The following DDX17 variants were observed in gnomAD, a reference collection of about 807,000 sequenced individuals.
The protein encoded by DDX17 is DEAD-box helicase 17.
DDX17 carries 10 observed loss-of-function variants against 80.8 expected under a neutral mutation model. That is an observed-to-expected ratio of 0.12 (90% confidence interval 0.08 to 0.21). The LOEUF (loss-of-function observed/expected upper bound fraction) is 0.21. Among genes scored for constraint, DDX17 ranks in the 10% least tolerant of loss-of-function variants. DDX17 has a pLI of 1.00. For missense variants in DDX17, 586 were observed against 957.4 expected (o/e 0.61, Z 5.12); for synonymous variants, 339 against 336.2 (o/e 1.01, Z -0.09).
At chr22:38,490,559 A>T (rs929132145) in intron 11 of DDX17, 1 of 744,324 alleles carries the variant, frequency 1.3e-6, no homozygotes, top group Non-Finnish European at 1.9e-6. Context: ...AAGGATGACT[A>T]TTATAAAATT....
intron 1 of DDX17, 21 bp downstream of exon 1, chr22:38,505,930 C>T: frequency 3.2e-6 from 5 of 1,550,536 alleles, no homozygotes; most frequent in Non-Finnish European, 4.4e-6. Context: ...CCAGGCCTCT[C>T]CTCTCCTCCC....
chr22:38,501,697 C>G lies in DDX17; in HGVS notation c.288-417G>C, dbSNP rs925768900. Among the ~76,000 whole-genome samples, 36 of 152,154 alleles carry G rather than the reference C, an allele frequency of 2.4e-4. 1 individual carries two copies. The highest frequency in any genetic ancestry group is 2.2e-3 in the Admixed American group (34 of 15,280). On this transcript the variant is annotated intron_variant, in intron 1 of 12. Coordinates refer to ENST00000403230, the MANE Select transcript of DDX17 (RefSeq NM_006386.5). ...TTTCAGAGGCTGCTGAGAAAATGACCTAATAATGTGTAATGTACTATAAAA... is the reference window on the plus strand; with the variant it reads ...TTTCAGAGGCTGCTGAGAAAATGACGTAATAATGTGTAATGTACTATAAAA...
chr22:38,492,179 AC>A, intron 10 of DDX17, 64 bp from the exon 11 acceptor site: 1 of 1,379,154 alleles, frequency 7.3e-7, no homozygotes, highest in Non-Finnish European at 1.0e-6. Flanking sequence ...TGTTTACATA[AC>A]CATGTTAAAA....
intron 10 of DDX17, 86 bp from the exon 11 acceptor site, chr22:38,492,201 T>A: frequency 8.7e-7 from 1 of 1,153,446 alleles, no homozygotes; most frequent in South Asian, 1.5e-5. Context: ...TTTCAAATAA[T>A]GGTGCCAGAA....
At chr22:38,491,520 T>C (rs534852819) in intron 11 of DDX17, 1 of 152,328 alleles carries the variant, frequency 6.6e-6, no homozygotes, top group East Asian at 1.9e-4. Flanking sequence ...CCATGATAAT[T>C]TGACCTCAGT....
Position 38,489,870 on chromosome 22 carries a change from G to A in DDX17, c.1448-1755C>T, listed in dbSNP as rs2089695845. On this transcript the variant is annotated intron_variant, in intron 11 of 12. Coordinates refer to ENST00000403230, the MANE Select transcript of DDX17 (RefSeq NM_006386.5). The surrounding 1 kb of genome is among the most constrained non-coding windows in gnomAD (Gnocchi z 4.6). ...CAGGGGGTGGGGAATTCTACTCCATGGTATCTTCAGAGCTAGGATAATGCT... is the reference window on the plus strand; with the variant it reads ...CAGGGGGTGGGGAATTCTACTCCATAGTATCTTCAGAGCTAGGATAATGCT... 2.0e-6 allele frequency: 2 copies of A among 985,800 alleles called. No homozygotes were observed. Among genetic ancestry groups the A allele is most frequent in the African/African-American group, 1.7e-5 (1 of 57,190 alleles). The allele number at this position is 985,800 out of a possible 1,614,324, so 61.1% of individuals were successfully genotyped here.
At position 38,485,857 on chromosome 22, in the gene DDX17, G is replaced by A. The variant is rs779492089; in HGVS notation, c.*78C>T. On this transcript the variant is annotated 3_prime_UTR_variant, in exon 13 of 13. Transcript: ENST00000403230. ...AAAAAAGGAAAAAAAAAGAAAAGGC[G>A]AAGAGGAAAAAAAAAGGAAAGACAG... The A allele has an allele frequency of 2.1e-5, 30 of 1,458,850 alleles. No homozygotes were observed. Among genetic ancestry groups the A allele is most frequent in the Admixed American group, 1.1e-4 (4 of 37,672 alleles). The allele number at this position is 1,458,850 out of a possible 1,614,324, so 90.4% of individuals were successfully genotyped here. A position where few individuals can be genotyped will look rare whatever the true frequency, so the allele number is the denominator to read the frequency against.
chr22:38,498,697 T>C (rs1461970221), intron 3 of DDX17, 124 bp from the exon 4 acceptor site: 5 of 1,040,504 alleles, frequency 4.8e-6, no homozygotes, highest in Non-Finnish European at 6.9e-6. Flanking sequence ...AAAGTGCTTT[T>C]TCTTTATCTA....
chr22:38,490,554 T>C (rs1025514111), intron 11 of DDX17: 3 of 808,450 alleles, frequency 3.7e-6, no homozygotes, highest in Non-Finnish European at 5.2e-6. Context: ...AGCCTAAGGA[T>C]GACTATTATA....
intron 11 of DDX17, 168 bp downstream of exon 11, chr22:38,491,888 G>C (rs954542311): frequency 2.2e-6 from 1 of 455,968 alleles, no homozygotes; most frequent in Non-Finnish European, 3.8e-6. Flanking sequence ...AAAAAATTGT[G>C]GGGGGGGCAG....
chr22:38,498,653 A>T (rs1886044765), intron 3 of DDX17, 80 bp from the exon 4 acceptor site: 5 of 1,480,556 alleles, frequency 3.4e-6, no homozygotes, highest in Non-Finnish European at 4.6e-6. Context: ...TTTTAAGCTC[A>T]CTGAAGATAA....
At chr22:38,501,377 C>T (rs2089829308) in intron 1 of DDX17, 97 bp from the exon 2 acceptor site, 1 of 1,357,220 alleles carries the variant, frequency 7.4e-7, no homozygotes, top group Non-Finnish European at 9.8e-7. Context: ...TCTAGGGATA[C>T]TACCAGCCTA....
intron 1 of DDX17, 83 bp downstream of exon 1, chr22:38,505,868 C>G (rs2089877012): frequency 5.4e-6 from 8 of 1,480,070 alleles, no homozygotes; most frequent in Non-Finnish European, 7.3e-6. Context: ...GCAAGGCTCC[C>G]AGGCTCGCAG....
chr22:38,501,566 G>C (rs1317067334), intron 1 of DDX17, among the ~76,000 whole-genome samples: 1 of 152,192 alleles, frequency 6.6e-6, no homozygotes, highest in Non-Finnish European at 1.5e-5. Flanking sequence ...TCTGGATCCA[G>C]ACATGGTTTG....
chr22:38,505,687 C>T, intron 1 of DDX17: 1 of 448,542 alleles, frequency 2.2e-6, no homozygotes, highest in Non-Finnish European at 3.9e-6. Context: ...CTCCCGATCC[C>T]CCGCGGGGCT....
rs551478292 is a variant in DDX17, at chr22:38,505,704, G to T, written c.287+247C>A. On this transcript the variant is annotated intron_variant, in intron 1 of 12. Coordinates refer to ENST00000403230, the MANE Select transcript of DDX17 (RefSeq NM_006386.5). ...CCCGATCCCCCGCGGGGCTGGGATG[G>T]GGCCGGGCCGCGCCACGACGGCCGT... 1,289 of 505,654 alleles carry T rather than the reference G, an allele frequency of 2.5e-3. 18 individuals are homozygous for T. Among genetic ancestry groups the T allele is most frequent in the African/African-American group, 0.025 (1,199 of 48,732 alleles). The allele number at this position is 505,654 out of a possible 1,614,324, so 31.3% of individuals were successfully genotyped here. A position where few individuals can be genotyped will look rare whatever the true frequency, so the allele number is the denominator to read the frequency against.
At position 38,484,353 on chromosome 22, in the gene DDX17, T is replaced by G. The variant is rs1034337282; in HGVS notation, c.*1582A>C. 6.6e-6 allele frequency: 1 copy of G among 152,302 alleles called. No individual in the cohort carries two copies. Among genetic ancestry groups the G allele is most frequent in the Non-Finnish European group, 1.5e-5 (1 of 68,046 alleles). 9.4% of individuals were successfully genotyped at this position (152,302 alleles called of 1,614,324 possible). On this transcript the variant is annotated 3_prime_UTR_variant, in exon 13 of 13. Transcript: ENST00000403230. ...TTTCAGCTTATGCTGAAGACCTACC[T>G]GTATGTTGCACATTGAATCATACTT...
intron 3 of DDX17, 23 bp from the exon 4 acceptor site, chr22:38,498,596 G>A (rs752513791): frequency 1.1e-5 from 17 of 1,611,394 alleles, no homozygotes; most frequent in Non-Finnish European, 1.3e-5. Flanking sequence ...TTTATTTTGC[G>A]TATTTTATTG....
intron 1 of DDX17, 23 bp from the exon 2 acceptor site, chr22:38,501,303 G>A: frequency 1.3e-6 from 2 of 1,596,154 alleles, no homozygotes. Context: ...TTTTTAGTTA[G>A]TTCATCAGTA....
Sources: allele counts gnomAD v4.1 joint callset (sites outside exome capture counted in the v4.1 genomes callset), GRCh38; gene constraint gnomAD v4.1.1; non-coding constraint Gnocchi (gnomAD v3.1); transcripts MANE v1.5; gene names NCBI Gene and HGNC (gene_info 2026-07-23, HGNC 2026-07-21).